Variants in ESCO2 observed in about 807,000 individuals in gnomAD.
The protein encoded by ESCO2 is N-acetyltransferase ESCO2.
A neutral mutation model predicts 61.7 loss-of-function variants in ESCO2; 51 were observed. The ratio of observed to expected loss-of-function variants is 0.83; its 90% CI spans 0.66 to 1.04. The LOEUF (loss-of-function observed/expected upper bound fraction) is 1.04. Ranked by LOEUF, ESCO2 falls within the 50% of genes least tolerant of loss-of-function variation. The pLI, the probability that ESCO2 is intolerant of heterozygous loss-of-function variation, is 0.00. For synonymous variants in ESCO2, 230 were observed against 238.2 expected (o/e 0.97, Z 0.32); for missense variants, 692 against 686.2 (o/e 1.01, Z -0.09).
At chr8:27,796,886 T>A (rs1372787257) in intron 9 of ESCO2, among the ~76,000 whole-genome samples, 1 of 152,198 alleles carries the variant, frequency 6.6e-6, no homozygotes, top group Non-Finnish European at 1.5e-5. Context: ...TTTGGGAGGC[T>A]GAGGCAGGAG....
At position 27,803,510 on chromosome 8, in the gene ESCO2, A is replaced by G; in HGVS notation, c.*72A>G. On this transcript the variant is annotated 3_prime_UTR_variant, in exon 11 of 11. Transcript: ENST00000305188. Reference sequence around the variant, plus strand: ...AGCTCCTTATTATAAAATACAAACTATTTAATATCAAAATAAAAAATACCG... The same window carrying G: ...AGCTCCTTATTATAAAATACAAACTGTTTAATATCAAAATAAAAAATACCG... The G allele has an allele frequency of 1.3e-6, 2 of 1,563,702 alleles. No individual in the cohort carries two copies. Among genetic ancestry groups the G allele is most frequent in the East Asian group, 2.4e-5 (1 of 41,402 alleles).
At chr8:27,794,505 T>C (rs1012651370) in intron 9 of ESCO2, among the ~76,000 whole-genome samples, 6 of 152,214 alleles carry the variant, frequency 3.9e-5, no homozygotes, top group African/African-American at 1.2e-4. Flanking sequence ...TATCCCCTAT[T>C]GTATACACAA....
chr8:27,785,047 A>G (rs1563473133), intron 5 of ESCO2, among the ~76,000 whole-genome samples: 1 of 152,174 alleles, frequency 6.6e-6, no homozygotes, highest in Non-Finnish European at 1.5e-5. Context: ...GGACTAGGTA[A>G]TTTATAATGG....
downstream of ESCO2, among the ~76,000 whole-genome samples, chr8:27,807,961 C>T (rs545534818): frequency 6.6e-6 from 1 of 152,194 alleles, no homozygotes; most frequent in South Asian, 2.1e-4. Flanking sequence ...ATGAGGATGC[C>T]CTCACCAGAT....
chr8:27,775,018 GA>G (rs1585388470), intron 1 of ESCO2, among the ~76,000 whole-genome samples: 1 of 152,312 alleles, frequency 6.6e-6, no homozygotes, highest in East Asian at 1.9e-4. Context: ...GCTTTGGGGG[GA>G]ATTTCCCTGA....
At chr8:27,776,338 A>C in intron 2 of ESCO2, 24 bp from the exon 3 acceptor site, 1 of 1,575,666 alleles carries the variant, frequency 6.3e-7, no homozygotes, top group Non-Finnish European at 8.7e-7. Context: ...TAATCTTATC[A>C]ATGGACTTTG....
chr8:27,816,359 T>TATATATATATATATATATATATATCTA (rs1563489324), downstream of ESCO2, among the ~76,000 whole-genome samples: 1 of 126,722 alleles, frequency 7.9e-6, no homozygotes, highest in African/African-American at 3.2e-5. Context: ...ATATATATAT[T>TATATATATATATATATATATATATCTA]TATTTATTTA....
At position 27,782,767 on chromosome 8, in the gene ESCO2, G is replaced by A. The variant is rs182934210; in HGVS notation, c.956-1233G>A. On this transcript the variant is annotated intron_variant, in intron 4 of 10. Coordinates refer to ENST00000305188, the MANE Select transcript of ESCO2 (RefSeq NM_001017420.3). ...ATGACAGGCGTGAGCCACTGCACTC[G>A]GCCTAGAGTGCAATTTTAAGTGCAA... is the stretch of plus-strand genomic sequence containing the variant. Among the ~76,000 whole-genome samples, 30 of 151,170 alleles carry A rather than the reference G, an allele frequency of 2.0e-4. No individual in the cohort carries two copies. In the East Asian group the frequency reaches 2.9e-3, roughly 15 times the overall value.
At chr8:27,790,071 C>A (rs1255756218) in intron 7 of ESCO2, among the ~76,000 whole-genome samples, 1 of 152,184 alleles carries the variant, frequency 6.6e-6, no homozygotes, top group South Asian at 2.1e-4. Flanking sequence ...AGGAATAAAA[C>A]CCAGACTCCT....
chr8:27,799,678 A>G lies in ESCO2; in HGVS notation c.1635A>G (p.Arg545=). ...GAATCTGGGTTTTCAGACTGAAGAG[A>G]AGAAAGCGCATTGCAAGACGACTGG... ...ISRIWVFRLK[R]RKRIARRLVD... The change falls in exon 10 of 11, where the codon AGA becomes AGG. Residue 545 remains arginine (R), a synonymous_variant. Coordinates refer to ENST00000305188, the MANE Select transcript of ESCO2 (RefSeq NM_001017420.3). The G allele has an allele frequency of 6.2e-7, 1 of 1,613,974 alleles. No individual in the cohort carries two copies. The highest frequency in any genetic ancestry group is 8.5e-7 in the Non-Finnish European group (1 of 1,180,010).
intron 9 of ESCO2, among the ~76,000 whole-genome samples, chr8:27,799,149 A>G (rs1805367765): frequency 2.6e-4 from 1 of 3,870 alleles, no homozygotes; most frequent in African/African-American, 2.8e-4. Context: ...ATGTTTAAGA[A>G]ACGAAATGCC....
chr8:27,814,992 TATTTG>T (rs1310596731), downstream of ESCO2, among the ~76,000 whole-genome samples: 6 of 152,216 alleles, frequency 3.9e-5, no homozygotes, highest in Non-Finnish European at 7.3e-5. Context: ...AAATTTTCAG[TATTTG>T]ATTACTATAA....
At chr8:27,815,614 A>ATG, downstream of ESCO2, among the ~76,000 whole-genome samples, 1 of 151,182 alleles carries the variant, frequency 6.6e-6, no homozygotes, top group East Asian at 1.9e-4. Flanking sequence ...ATACACGTAT[A>ATG]TGTGTGTGTA....
downstream of ESCO2, among the ~76,000 whole-genome samples, chr8:27,815,375 A>C (rs1159686527): frequency 6.6e-6 from 1 of 152,226 alleles, no homozygotes; most frequent in Non-Finnish European, 1.5e-5. Flanking sequence ...GCAAGAAGGA[A>C]AGATGAGTGG....
chr8:27,802,646 TA>T lies in ESCO2; in HGVS notation c.1674-659del, dbSNP rs1303619675. 1.9e-4 allele frequency among the ~76,000 whole-genome samples: 14 copies of T among 73,490 alleles called. 1 individual carries two copies. Among genetic ancestry groups the T allele is most frequent in the African/African-American group, 8.5e-4 (14 of 16,552 alleles). 48.2% of individuals were successfully genotyped at this position (73,490 alleles called of 152,430 possible). ...AAAAAAAAAAATATATATATATATA[TA>T]TATATATATTATATATATATATATA... On this transcript the variant is annotated intron_variant, in intron 10 of 10. Transcript: ENST00000305188.
chr8:27,772,937 C>T (rs1804686308), upstream of ESCO2, among the ~76,000 whole-genome samples: 2 of 151,660 alleles, frequency 1.3e-5, no homozygotes, highest in African/African-American at 4.9e-5. Context: ...GTTTCTGATA[C>T]TCACCAGGAC....
downstream of ESCO2, among the ~76,000 whole-genome samples, chr8:27,814,069 C>T (rs962449530): frequency 2.6e-5 from 4 of 152,088 alleles, no homozygotes; most frequent in Non-Finnish European, 5.9e-5. Context: ...ATGCTGACCA[C>T]AAAAACAGAC....
At chr8:27,792,330 A>T (rs1805195848) in intron 8 of ESCO2, among the ~76,000 whole-genome samples, 1 of 152,108 alleles carries the variant, frequency 6.6e-6, no homozygotes. Context: ...TCTATTTCTT[A>T]TATTGGTGTT....
Position 27,803,486 on chromosome 8 carries a change from G to C in ESCO2, c.*48G>C, listed in dbSNP as rs764124355. The C allele has an allele frequency of 6.2e-7, 1 of 1,603,846 alleles. No individual in the cohort carries two copies. On this transcript the variant is annotated 3_prime_UTR_variant, in exon 11 of 11. Transcript: ENST00000305188. ...GTTACTATCTGGATAAGTTCAAAGA[G>C]CTCCTTATTATAAAATACAAACTAT...
Sources: gnomAD v4.1 joint callset for allele counts (sites outside exome capture counted in the v4.1 genomes callset) on GRCh38, gnomAD v4.1.1 for gene constraint, MANE v1.5 for transcripts, NCBI Gene and HGNC (gene_info 2026-07-23, HGNC 2026-07-21) for gene names.